Variants in FAM227B observed in about 807,000 individuals in gnomAD.
FAM227B encodes family with sequence similarity 227 member B.
A neutral mutation model predicts 73.8 loss-of-function variants in FAM227B; 88 were observed. That is an observed-to-expected ratio of 1.19 (90% confidence interval 1.00 to 1.42). The LOEUF (loss-of-function observed/expected upper bound fraction) is 1.42. Ranked by LOEUF, FAM227B falls within the 40% of genes most tolerant of loss-of-function variation. The pLI is 0.00. For missense variants in FAM227B, 632 were observed against 590.9 expected (o/e 1.07, Z -0.72); for synonymous variants, 210 against 190.5 (o/e 1.10, Z -0.84).
At chr15:49,463,550 CA>C (rs34545202) in intron 11 of FAM227B, among the ~76,000 whole-genome samples, 3,702 of 125,816 alleles carry the variant, frequency 0.029, 64 homozygotes, top group African/African-American at 0.037. Context: ...GATTCCGTCT[CA>C]AAAAAAAAAA....
chr15:49,409,867 C>T (rs2151677911), intron 11 of FAM227B, among the ~76,000 whole-genome samples: 1 of 152,206 alleles, frequency 6.6e-6, no homozygotes, highest in East Asian at 1.9e-4. Context: ...GCCTGGCATG[C>T]AGTAAGTGTT....
At chr15:49,478,087 A>G (rs1427109132) in intron 11 of FAM227B, among the ~76,000 whole-genome samples, 1 of 152,194 alleles carries the variant, frequency 6.6e-6, no homozygotes, top group Admixed American at 6.5e-5. Flanking sequence ...CCCCGCCAGT[A>G]GTCCCCAGTG....
At chr15:49,502,043 A>G (rs1476794704) in intron 11 of FAM227B, among the ~76,000 whole-genome samples, 1 of 152,210 alleles carries the variant, frequency 6.6e-6, no homozygotes, top group Non-Finnish European at 1.5e-5. Context: ...AGTGAAGATC[A>G]TTTTGCAGCC....
intron 14 of FAM227B, chr15:49,334,336 C>T: frequency 3.3e-6 from 2 of 601,972 alleles, no homozygotes; most frequent in Non-Finnish European, 4.2e-6. Flanking sequence ...ATAATGCAGG[C>T]ATTACTAATT....
intron 13 of FAM227B, among the ~76,000 whole-genome samples, chr15:49,355,794 T>C (rs1322077221): frequency 6.6e-6 from 1 of 151,874 alleles, no homozygotes; most frequent in Admixed American, 6.6e-5. Flanking sequence ...ATTGTCAGAT[T>C]CACCAAAGTT....
At chr15:49,594,294 A>G (rs1349705315) in intron 3 of FAM227B, among the ~76,000 whole-genome samples, 1 of 151,122 alleles carries the variant, frequency 6.6e-6, no homozygotes, top group Admixed American at 6.6e-5. Flanking sequence ...TTTCTTGCTG[A>G]TTTGAGTTCC....
chr15:49,436,308 G>A (rs1310327819), intron 11 of FAM227B, among the ~76,000 whole-genome samples: 2 of 151,562 alleles, frequency 1.3e-5, no homozygotes, highest in Non-Finnish European at 3.0e-5. Flanking sequence ...ATTAGATATT[G>A]CATAGTAGGT....
intron 10 of FAM227B, among the ~76,000 whole-genome samples, chr15:49,521,288 T>C (rs2059767227): frequency 6.6e-6 from 1 of 152,156 alleles, no homozygotes; most frequent in Non-Finnish European, 1.5e-5. Context: ...GACCTAGCCC[T>C]TAGCATGGGC....
chr15:49,415,548 A>G (rs1441800501), intron 11 of FAM227B, among the ~76,000 whole-genome samples: 1 of 152,208 alleles, frequency 6.6e-6, no homozygotes, highest in Non-Finnish European at 1.5e-5. Flanking sequence ...TAGTAGCTCC[A>G]ACTAGAGATT....
chr15:49,443,844 T>G (rs2051911733), intron 11 of FAM227B, among the ~76,000 whole-genome samples: 1 of 151,770 alleles, frequency 6.6e-6, no homozygotes, highest in African/African-American at 2.4e-5. Context: ...TATATGCTTG[T>G]GTGCTATGCT....
chr15:49,457,399 A>C (rs1372207927), intron 11 of FAM227B, among the ~76,000 whole-genome samples: 1 of 152,052 alleles, frequency 6.6e-6, no homozygotes, highest in Non-Finnish European at 1.5e-5. Flanking sequence ...AAAAGCATTC[A>C]AATTTCAAAG....
chr15:49,471,484 A>AAATAAT (rs201297260), intron 11 of FAM227B, among the ~76,000 whole-genome samples: 3,492 of 137,788 alleles, frequency 0.025, 65 homozygotes, highest in East Asian at 0.063. Flanking sequence ...CTCTATCTCA[A>AAATAAT]AATAATAATA....
intron 13 of FAM227B, among the ~76,000 whole-genome samples, chr15:49,337,480 T>C (rs2039927184): frequency 1.8e-5 from 1 of 54,078 alleles, no homozygotes. Context: ...GTTGGACACT[T>C]GCAATGTCTG....
intron 11 of FAM227B, among the ~76,000 whole-genome samples, chr15:49,484,066 G>A (rs1388065551): frequency 6.6e-6 from 1 of 151,868 alleles, no homozygotes; most frequent in Non-Finnish European, 1.5e-5. Context: ...CTTCCAAAAA[G>A]CTACACATAT....
At chr15:49,599,720 T>C (rs1471671178) in intron 3 of FAM227B, among the ~76,000 whole-genome samples, 1 of 152,170 alleles carries the variant, frequency 6.6e-6, no homozygotes. Flanking sequence ...CAATTTCCAG[T>C]TCTCCTCCTA....
Position 49,367,595 on chromosome 15 carries a change from C to CTACT in FAM227B, c.1120_1123dup (p.Ser375LysfsTer2), listed in dbSNP as rs1567165310. 1 of 1,584,516 alleles carries CTACT rather than the reference C, an allele frequency of 6.3e-7. No individual in the cohort carries two copies. The highest frequency in any genetic ancestry group is 2.3e-5 in the East Asian group (1 of 43,560). The stretch of plus-strand genomic sequence containing the variant: ...AACACGATTAAACTCTGGACCAGTA[C>CTACT]TACTATAGTGCGACTGTAAGAGGAA... On this transcript the variant is annotated stop_gained and frameshift_variant, in exon 13 of 16. Transcript: ENST00000299338. LOFTEE classifies it high-confidence loss of function.
At chr15:49,434,356 C>T (rs1013496847) in intron 11 of FAM227B, 1 of 151,110 alleles carries the variant, frequency 6.6e-6, no homozygotes, top group African/African-American at 2.4e-5. Context: ...CAATAGTAAG[C>T]AAATATACAG....
chr15:49,429,733 G>T (rs981394470), intron 11 of FAM227B, among the ~76,000 whole-genome samples: 1 of 151,862 alleles, frequency 6.6e-6, no homozygotes, highest in Non-Finnish European at 1.5e-5. Context: ...GGTACAGTCT[G>T]GGCATCAGGA....
At chr15:49,330,148 TG>T (rs1178309884) in intron 15 of FAM227B, 1 of 152,256 alleles carries the variant, frequency 6.6e-6, no homozygotes, top group Admixed American at 6.5e-5. Flanking sequence ...GTTTAAAAGC[TG>T]TGGAGTGCAC....
Sources: allele counts gnomAD v4.1 joint callset (sites outside exome capture counted in the v4.1 genomes callset), GRCh38; gene constraint gnomAD v4.1.1; transcripts MANE v1.5; gene names NCBI Gene and HGNC (gene_info 2026-07-23, HGNC 2026-07-21).